APBA2: variants seen among roughly 807,000 people sequenced by gnomAD.
The protein encoded by APBA2 is amyloid beta precursor protein binding family A member 2.
APBA2 carries 30 observed loss-of-function variants against 75.0 expected under a neutral mutation model. The ratio of observed to expected loss-of-function variants is 0.40; its 90% CI spans 0.30 to 0.54. APBA2 has a LOEUF of 0.54. Among genes scored for constraint, APBA2 ranks in the 20% least tolerant of loss-of-function variants. The probability of loss-of-function intolerance (pLI) is 0.49; values close to 1 mark genes in which losing one functional copy is unlikely to be tolerated. For synonymous variants in APBA2, 444 were observed against 409.6 expected, an observed-to-expected ratio of 1.08 and a Z score of -1.01; for missense variants, 801 against 1,016.1, an observed-to-expected ratio of 0.79 and a Z score of 2.88.
chr15:28,975,153 C>G (rs1453053480), intron 2 of APBA2, among the ~76,000 whole-genome samples: 1 of 152,014 alleles, frequency 6.6e-6, no homozygotes, highest in Non-Finnish European at 1.5e-5. Flanking sequence ...AAGGGAACTT[C>G]TTTAGGAAAA....
At chr15:28,958,816 C>CTT (rs370050186) in intron 2 of APBA2, among the ~76,000 whole-genome samples, 27,609 of 148,130 alleles carry the variant, frequency 0.19, 5,407 homozygotes, top group African/African-American at 0.5. Context: ...TTATTCCCAA[C>CTT]TTTTTTTTTT....
At chr15:29,048,277 G>A (rs2041436895) in intron 3 of APBA2, among the ~76,000 whole-genome samples, 1 of 152,126 alleles carries the variant, frequency 6.6e-6, no homozygotes, top group Non-Finnish European at 1.5e-5. Context: ...TAACCCAGGA[G>A]GCAGAGACTG....
rs569262973 is a variant in APBA2 at position 29,113,950 on chromosome 15, C to T, written c.2112C>T (p.Asn704=). The change falls in exon 14 of 15, where the codon AAC becomes AAT. Residue 704 remains asparagine, a synonymous_variant. Coordinates refer to ENST00000683413, the MANE Select transcript of APBA2 (RefSeq NM_001353788.2). The part of the protein sequence containing the change: ...VRVGHRIIEI[N]GQSVVATAHE... ...TGGGCCACCGCATCATCGAGATCAA[C>T]GGGCAGAGCGTGGTGGCCACAGCCC... 218 of 1,613,626 alleles carry T rather than the reference C, an allele frequency of 1.4e-4. 1 individual carries two copies. The highest frequency in any genetic ancestry group is 1.1e-3 in the South Asian group (96 of 91,084).
chr15:28,940,429 C>G lies in APBA2; in HGVS notation c.-95+18680C>G, dbSNP rs555940271. 1.1e-3 allele frequency among the ~76,000 whole-genome samples: 154 copies of G among 146,056 alleles called. 1 individual carries two copies. The highest frequency in any genetic ancestry group is 1.8e-3 in the Admixed American group (26 of 14,800). On this transcript the variant is annotated intron_variant, in intron 2 of 14. Transcript: ENST00000683413. Reference sequence around the variant, plus strand: ...CAGGCACCTGTAGTCCCAGCTACTCCGAAGGCTGAGACAGGAGAATGGAGA... The same window carrying G: ...CAGGCACCTGTAGTCCCAGCTACTCGGAAGGCTGAGACAGGAGAATGGAGA...
chr15:28,886,851 A>G lies in APBA2; in HGVS notation c.-205+573A>G, dbSNP rs564054308. On this transcript the variant is annotated intron_variant, in intron 1 of 14. Coordinates refer to ENST00000683413, the MANE Select transcript of APBA2 (RefSeq NM_001353788.2). The stretch of plus-strand genomic sequence containing the variant: ...GGGCTGCAGGTGCCCGGTTGGGGGC[A>G]CGGCGCGGACCTGCCCCTCGGCCTG... Among the ~76,000 whole-genome samples the G allele has an allele frequency of 4.6e-5, 7 of 152,154 alleles. No individual in the cohort carries two copies. The South Asian group carries it at 1.5e-3, about 32-fold the overall frequency.
chr15:28,935,376 G>A (rs1024761232), intron 2 of APBA2, among the ~76,000 whole-genome samples: 4 of 151,890 alleles, frequency 2.6e-5, no homozygotes, highest in Non-Finnish European at 4.4e-5. Context: ...GGGTCCAGGC[G>A]GGTGGATTTT....
At chr15:28,983,279 A>C (rs1336812658) in intron 2 of APBA2, among the ~76,000 whole-genome samples, 1 of 152,154 alleles carries the variant, frequency 6.6e-6, no homozygotes, top group Non-Finnish European at 1.5e-5. Context: ...TCCTTGTCTG[A>C]GTAGAACCTG....
intron 2 of APBA2, among the ~76,000 whole-genome samples, chr15:28,936,744 A>T (rs1430227932): frequency 6.6e-6 from 1 of 152,186 alleles, no homozygotes; most frequent in Admixed American, 6.5e-5. Flanking sequence ...GACCCCAAGT[A>T]AAGTTAAAGG....
chr15:28,955,174 C>T (rs1022989144), intron 2 of APBA2, among the ~76,000 whole-genome samples: 6 of 152,130 alleles, frequency 3.9e-5, no homozygotes, highest in African/African-American at 1.4e-4. Context: ...CCTAGGATAC[C>T]TCTACATTAT....
intron 2 of APBA2, among the ~76,000 whole-genome samples, chr15:28,945,621 C>T (rs773105429): frequency 1.1e-4 from 16 of 151,306 alleles, no homozygotes; most frequent in South Asian, 2.1e-4. Flanking sequence ...CAAGTTCAAG[C>T]GATTCTCCTG....
chr15:29,079,831 A>C (rs919254554), intron 6 of APBA2, among the ~76,000 whole-genome samples: 1 of 152,214 alleles, frequency 6.6e-6, no homozygotes, highest in East Asian at 1.9e-4. Context: ...AATGAAAAAA[A>C]TAATAGTAAC....
At chr15:29,108,035 A>T (rs1228167513) in intron 12 of APBA2, among the ~76,000 whole-genome samples, 1 of 152,166 alleles carries the variant, frequency 6.6e-6, no homozygotes, top group Non-Finnish European at 1.5e-5. Flanking sequence ...CACCCTGCGC[A>T]TGGTGGGACA....
Position 29,033,964 on chromosome 15 carries a change from CAA to C in APBA2, c.-40-19857_-40-19856del, listed in dbSNP as rs34808408. On this transcript the variant is annotated intron_variant, in intron 3 of 14. Transcript: ENST00000683413. Reference sequence around the variant, plus strand: ...TGGGCGACAGAGTGAGACTCCATCTCAAAAAAAAAAAAAAAAAAAAAAAAAGA... The same window carrying C: ...TGGGCGACAGAGTGAGACTCCATCTCAAAAAAAAAAAAAAAAAAAAAAAGA... 6.3e-3 allele frequency among the ~76,000 whole-genome samples: 249 copies of C among 39,522 alleles called. 1 individual carries two copies. Among genetic ancestry groups the C allele is most frequent in the African/African-American group, 0.016 (190 of 11,522 alleles). The allele number at this position is 39,522 out of a possible 152,430, so 25.9% of individuals were successfully genotyped here. A position where few individuals can be genotyped will look rare whatever the true frequency, so the allele number is the denominator to read the frequency against.
intron 2 of APBA2, among the ~76,000 whole-genome samples, chr15:28,935,813 G>A (rs1341372875): frequency 6.6e-6 from 1 of 152,176 alleles, no homozygotes; most frequent in Non-Finnish European, 1.5e-5. Flanking sequence ...AGAAGAAAAG[G>A]CCTAATTTCT....
intron 6 of APBA2, among the ~76,000 whole-genome samples, chr15:29,079,846 C>T (rs2043011028): frequency 6.6e-6 from 1 of 152,210 alleles, no homozygotes; most frequent in Non-Finnish European, 1.5e-5. Flanking sequence ...AGTAACAATG[C>T]ACATGATACC....
intron 1 of APBA2, among the ~76,000 whole-genome samples, chr15:28,895,913 AC>A (rs2032453272): frequency 6.6e-6 from 1 of 152,070 alleles, no homozygotes; most frequent in African/African-American, 2.4e-5. Context: ...GGAGTTTGAG[AC>A]CAGCCTGGGT....
chr15:28,894,687 G>A (rs1043784182), intron 1 of APBA2, among the ~76,000 whole-genome samples: 1 of 152,164 alleles, frequency 6.6e-6, no homozygotes, highest in African/African-American at 2.4e-5. Context: ...CTGTGGGTTG[G>A]GAGCGAAGCA....
chr15:28,888,612 AG>A (rs2031917337), intron 1 of APBA2, among the ~76,000 whole-genome samples: 2 of 152,118 alleles, frequency 1.3e-5, no homozygotes, highest in South Asian at 4.1e-4. Context: ...AGGGGAGGAG[AG>A]GACTGGCGGT....
chr15:28,891,458 T>C (rs2032126605), intron 1 of APBA2, among the ~76,000 whole-genome samples: 1 of 152,124 alleles, frequency 6.6e-6, no homozygotes, highest in Non-Finnish European at 1.5e-5. Flanking sequence ...GTACAGAGGC[T>C]AATTTTCAAC....
Sources: gnomAD v4.1 joint callset for allele counts (sites outside exome capture counted in the v4.1 genomes callset) on GRCh38, gnomAD v4.1.1 for gene constraint, MANE v1.5 for transcripts, NCBI Gene and HGNC (gene_info 2026-07-23, HGNC 2026-07-21) for gene names.